The following OSBPL10 variants were observed in gnomAD, a reference collection of about 807,000 sequenced individuals.
The protein encoded by OSBPL10 is oxysterol-binding protein-related protein 10.
A neutral mutation model predicts 81.7 loss-of-function variants in OSBPL10; 49 were observed. The observed-to-expected ratio is 0.60, with a 90% confidence interval of 0.48 to 0.76. OSBPL10 has a LOEUF of 0.76. Among genes scored for constraint, OSBPL10 ranks in the 30% least tolerant of loss-of-function variants. OSBPL10 has a pLI of 0.00. For missense variants in OSBPL10, 923 were observed against 987.8 expected (o/e 0.93, Z 0.88); for synonymous variants, 419 against 383.6 (o/e 1.09, Z -1.08).
intron 6 of OSBPL10, among the ~76,000 whole-genome samples, chr3:31,722,922 A>T (rs1344303611): frequency 2.0e-5 from 3 of 152,196 alleles, no homozygotes; most frequent in Admixed American, 6.5e-5. Context: ...TTTTTTAAAG[A>T]AAAGCAGTTC....
rs533921455 is a variant in OSBPL10 at position 31,772,677 on chromosome 3, C to A, written c.730-24557G>T. Among the ~76,000 whole-genome samples, 3 of 152,266 alleles carry A rather than the reference C, an allele frequency of 2.0e-5. No individual in the cohort carries two copies. The South Asian group carries it at 6.2e-4, about 32-fold the overall frequency. On this transcript the variant is annotated intron_variant, in intron 4 of 11. Coordinates refer to ENST00000396556, the MANE Select transcript of OSBPL10 (RefSeq NM_017784.5). ...ATGAAGCTGAAACAAGAAGGCAAAG[C>A]CCTGCCTTGTTTGCCCTCTCTGGGA...
At chr3:31,962,991 G>A (rs1698209244) in intron 1 of OSBPL10, among the ~76,000 whole-genome samples, 1 of 152,056 alleles carries the variant, frequency 6.6e-6, no homozygotes, top group Admixed American at 6.6e-5. Context: ...TACAGGAAGT[G>A]GTGTGACTCC....
At chr3:31,777,974 G>A (rs1698587574) in intron 4 of OSBPL10, among the ~76,000 whole-genome samples, 1 of 152,228 alleles carries the variant, frequency 6.6e-6, no homozygotes, top group South Asian at 2.1e-4. Context: ...GCTTCCAGCT[G>A]AACTTTGTAA....
intron 1 of OSBPL10, among the ~76,000 whole-genome samples, chr3:31,947,656 C>A (rs1342889144): frequency 6.6e-6 from 1 of 152,054 alleles, no homozygotes; most frequent in Non-Finnish European, 1.5e-5. Context: ...TGAAACAAGC[C>A]CTCAAAAGAA....
chr3:32,060,360 A>G (rs1699744960), intron 1 of OSBPL10, among the ~76,000 whole-genome samples: 1 of 152,098 alleles, frequency 6.6e-6, no homozygotes, highest in Non-Finnish European at 1.5e-5. Context: ...CAATAAGCTC[A>G]TCCATCTTTC....
chr3:32,019,674 T>A (rs1358819060), intron 2 of OSBPL10, among the ~76,000 whole-genome samples: 1 of 152,168 alleles, frequency 6.6e-6, no homozygotes, highest in African/African-American at 2.4e-5. Context: ...TAAAAATGAA[T>A]TTTTTTAAAA....
At chr3:31,766,827 G>A (rs754204443) in intron 4 of OSBPL10, among the ~76,000 whole-genome samples, 5 of 152,136 alleles carry the variant, frequency 3.3e-5, no homozygotes, top group Non-Finnish European at 5.9e-5. Context: ...AGGTTACAAA[G>A]CTTCCTGTCA....
intron 4 of OSBPL10, among the ~76,000 whole-genome samples, chr3:31,749,351 T>A (rs889845940): frequency 6.6e-6 from 1 of 152,240 alleles, no homozygotes; most frequent in East Asian, 1.9e-4. Context: ...ATAGACACAT[T>A]CCACAGATGT....
chr3:32,043,130 A>G (rs992959819), intron 2 of OSBPL10, among the ~76,000 whole-genome samples: 1 of 152,168 alleles, frequency 6.6e-6, no homozygotes, highest in Non-Finnish European at 1.5e-5. Flanking sequence ...TGCATAAGAC[A>G]GACACTCCCA....
intron 1 of OSBPL10, among the ~76,000 whole-genome samples, chr3:31,967,256 T>C (rs1379422270): frequency 1.3e-5 from 2 of 152,150 alleles, no homozygotes; most frequent in Non-Finnish European, 2.9e-5. Context: ...TTGTTTTCTG[T>C]TTGTAATTTT....
At chr3:32,023,810 T>C (rs1307610605) in intron 2 of OSBPL10, among the ~76,000 whole-genome samples, 1 of 152,208 alleles carries the variant, frequency 6.6e-6, no homozygotes, top group Non-Finnish European at 1.5e-5. Context: ...ATACATTCTA[T>C]GTTTTTTTCT....
chr3:31,690,831 C>A (rs893204854), intron 7 of OSBPL10, among the ~76,000 whole-genome samples: 4 of 152,162 alleles, frequency 2.6e-5, no homozygotes, highest in African/African-American at 7.2e-5. Context: ...ACTGAACATT[C>A]TGGACAAGAT....
intron 7 of OSBPL10, among the ~76,000 whole-genome samples, chr3:31,688,274 C>CTT (rs1169394368): frequency 4.1e-5 from 3 of 73,886 alleles, no homozygotes; most frequent in African/African-American, 1.0e-4. Flanking sequence ...AAATCTCTCT[C>CTT]TCTCTCTCTC....
At chr3:31,859,212 C>T (rs1701002066) in intron 3 of OSBPL10, among the ~76,000 whole-genome samples, 1 of 152,008 alleles carries the variant, frequency 6.6e-6, no homozygotes, top group African/African-American at 2.4e-5. Flanking sequence ...TTGTCTATCA[C>T]ACCAGATCCT....
chr3:31,949,043 A>G (rs967218370), intron 1 of OSBPL10, among the ~76,000 whole-genome samples: 1 of 152,244 alleles, frequency 6.6e-6, no homozygotes, highest in African/African-American at 2.4e-5. Flanking sequence ...TAAATGGTCA[A>G]ATCAATTAAC....
At chr3:31,943,967 C>CAAAAAAAAAAAAAAAAAAAAAAAAAA (rs55770286) in intron 1 of OSBPL10, among the ~76,000 whole-genome samples, 3 of 37,778 alleles carry the variant, frequency 7.9e-5, no homozygotes, top group African/African-American at 1.3e-4. Context: ...GACTCCGTCT[C>CAAAAAAAAAAAAAAAAAAAAAAAAAA]AAAAAAAAAA....
At chr3:31,841,350 A>C (rs1700493522) in intron 3 of OSBPL10, among the ~76,000 whole-genome samples, 1 of 152,214 alleles carries the variant, frequency 6.6e-6, no homozygotes, top group Non-Finnish European at 1.5e-5. Flanking sequence ...CTAATTTCTG[A>C]AGCACAAAGG....
chr3:31,663,092 G>A, intron 11 of OSBPL10: 2 of 985,428 alleles, frequency 2.0e-6, no homozygotes, highest in Non-Finnish European at 2.4e-6. Flanking sequence ...CTACTATGTT[G>A]CCCTAACTCA....
intron 6 of OSBPL10, among the ~76,000 whole-genome samples, chr3:31,712,799 T>G (rs1696303350): frequency 6.6e-6 from 1 of 152,282 alleles, no homozygotes; most frequent in African/African-American, 2.4e-5. Flanking sequence ...TCAGACTTAC[T>G]GTGTCTAAAA....
Sources: allele counts gnomAD v4.1 joint callset (sites outside exome capture counted in the v4.1 genomes callset), GRCh38; gene constraint gnomAD v4.1.1; transcripts MANE v1.5; gene names NCBI Gene and HGNC (gene_info 2026-07-23, HGNC 2026-07-21).